Variants in PSMC4 observed in about 807,000 individuals in gnomAD.
The protein encoded by PSMC4 is 26S proteasome regulatory subunit 6B.
Under a neutral mutation model 48.4 loss-of-function variants are expected in PSMC4, and 13 were observed. That is an observed-to-expected ratio of 0.27 (90% CI 0.18 to 0.43). PSMC4 has a LOEUF of 0.43. PSMC4 is among the 20% of genes least tolerant of loss of function. The pLI is 1.00. For synonymous variants in PSMC4, 202 were observed against 212.3 expected (o/e 0.95, Z 0.42); for missense variants, 262 against 555.9 (o/e 0.47, Z 5.32).
chr19:39,974,173 C>G lies in PSMC4; in HGVS notation c.323-121C>G. 2 of 1,288,294 alleles carry G rather than the reference C, an allele frequency of 1.6e-6. No homozygotes were observed. The highest frequency in any genetic ancestry group is 1.4e-5 in the South Asian group (1 of 71,096). The allele number at this position is 1,288,294 out of a possible 1,614,324, so 79.8% of individuals were successfully genotyped here. ...GACAGCAGGAGGGAAGGCTGGAGGC[C>G]GAGAGGGGACCCCTCAGGGTCTGAA... On this transcript the variant is annotated intron_variant, in intron 3 of 10. Transcript: ENST00000157812. The surrounding 1 kb of genome is among the most constrained non-coding windows in gnomAD (Gnocchi z 5.5).
At chr19:39,975,928 C>A (rs1156685191) in intron 6 of PSMC4, among the ~76,000 whole-genome samples, 3 of 152,096 alleles carry the variant, frequency 2.0e-5, no homozygotes, top group Non-Finnish European at 2.9e-5. Flanking sequence ...ATTGAACACC[C>A]ACTATGTGCC....
intron 6 of PSMC4, among the ~76,000 whole-genome samples, chr19:39,975,203 C>G (rs1457844068): frequency 1.3e-5 from 2 of 152,200 alleles, no homozygotes; most frequent in Non-Finnish European, 2.9e-5. Context: ...GCAAGTTCAT[C>G]TGTTTCGTGA....
At chr19:39,972,290 C>T in intron 2 of PSMC4, 46 bp downstream of exon 2, 1 of 1,610,304 alleles carries the variant, frequency 6.2e-7, no homozygotes, top group Non-Finnish European at 8.5e-7. Flanking sequence ...CCTGACATCT[C>T]ATACTCTTCC....
Position 39,974,385 on chromosome 19 carries a change from A to C in PSMC4, c.414A>C (p.Ala138=), listed in dbSNP as rs1971159199. 6.2e-7 allele frequency: 1 copy of C among 1,614,082 alleles called. No individual in the cohort carries two copies. The highest frequency in any genetic ancestry group is 8.5e-7 in the Non-Finnish European group (1 of 1,180,018). Reference sequence around the variant, plus strand: ...TGGCCCTCCACAAGCACAGCAATGCACTGGTGGACGTGCTGCCCCCCGAAG... The same window carrying C: ...TGGCCCTCCACAAGCACAGCAATGCCCTGGTGGACGTGCTGCCCCCCGAAG... The part of the protein sequence containing the change: ...ASVALHKHSN[A]LVDVLPPEAD... Residue 138 remains alanine (A), a synonymous_variant, in exon 4 of 11, where the codon GCA becomes GCC. Coordinates refer to ENST00000157812, the MANE Select transcript of PSMC4 (RefSeq NM_006503.4). This position sits in a 1 kb window ranked among gnomAD's most constrained non-coding sequence, Gnocchi z 5.5.
intron 6 of PSMC4, among the ~76,000 whole-genome samples, chr19:39,976,867 TGAGACAGAG>T (rs1971210593): frequency 7.3e-6 from 1 of 137,006 alleles, no homozygotes. Context: ...TTTTTTTTTT[TGAGACAGAG>T]TCTCACTCTG....
In PSMC4 at chr19:39,979,886, G is replaced by A. The variant is rs752494519; in HGVS notation, c.743G>A (p.Arg248Gln). The A allele has an allele frequency of 2.5e-6, 4 of 1,614,120 alleles. No individual in the cohort carries two copies. Among genetic ancestry groups the A allele is most frequent in the Non-Finnish European group, 3.4e-6 (4 of 1,180,014 alleles). ...CTGGGTGAGGGCCCCCGCATGGTCCGGGATGTGTTCCGCCTGGCCAAGGAG... is the reference window on the plus strand; with the variant it reads ...CTGGGTGAGGGCCCCCGCATGGTCCAGGATGTGTTCCGCCTGGCCAAGGAG... ...KYLGEGPRMV[R>Q]DVFRLAKENA... The change falls in exon 7 of 11, where the codon CGG becomes CAG. Residue 248 changes from arginine to glutamine, a missense_variant. Physicochemically the swap from Arg to Gln is conservative, Grantham distance 43. Coordinates refer to ENST00000157812, the MANE Select transcript of PSMC4 (RefSeq NM_006503.4).
chr19:39,977,650 T>A (rs1971225798), intron 6 of PSMC4, among the ~76,000 whole-genome samples: 1 of 151,858 alleles, frequency 6.6e-6, no homozygotes, highest in South Asian at 2.1e-4. Context: ...TGAAACCCCA[T>A]CTCTACTAAA....
intron 6 of PSMC4, among the ~76,000 whole-genome samples, 188 bp downstream of exon 6, chr19:39,975,016 G>A (rs371500): frequency 0.19 from 28,944 of 152,090 alleles, 6,212 homozygotes; most frequent in African/African-American, 0.53. Context: ...CATTTCACCC[G>A]GTGATAGTGA....
chr19:39,974,552 C>T lies in PSMC4; in HGVS notation c.498C>T (p.Asp166=), dbSNP rs1323402945. The change falls in exon 5 of 11, where the codon GAC becomes GAT. Residue 166 remains aspartate, a synonymous_variant. Coordinates refer to ENST00000157812, the MANE Select transcript of PSMC4 (RefSeq NM_006503.4). This position sits in a 1 kb window ranked among gnomAD's most constrained non-coding sequence, Gnocchi z 5.5. ...AGAAGCCAGATGTGATGTACGCGGA[C>T]ATCGGAGGCATGGACATCCAGAAGC... ...SDQKPDVMYA[D]IGGMDIQKQE... 4 of 1,614,108 alleles carry T rather than the reference C, an allele frequency of 2.5e-6. No homozygotes were observed. The highest frequency in any genetic ancestry group is 3.4e-6 in the Non-Finnish European group (4 of 1,180,026).
At chr19:39,978,197 A>C (rs1971235805) in intron 6 of PSMC4, among the ~76,000 whole-genome samples, 1 of 152,098 alleles carries the variant, frequency 6.6e-6, no homozygotes, top group South Asian at 2.1e-4. Flanking sequence ...CTGAAGCAGG[A>C]GCCCATTCCA....
chr19:39,978,191 A>T (rs1971235655), intron 6 of PSMC4, among the ~76,000 whole-genome samples: 1 of 152,144 alleles, frequency 6.6e-6, no homozygotes, highest in Non-Finnish European at 1.5e-5. Flanking sequence ...GAGTAACTGA[A>T]GCAGGAGCCC....
intron 6 of PSMC4, among the ~76,000 whole-genome samples, chr19:39,976,845 GAT>G (rs1568375961): frequency 8.1e-6 from 1 of 123,570 alleles, no homozygotes; most frequent in African/African-American, 3.3e-5. Context: ...TTTTGTGTGT[GAT>G]TTTTTTTTTT....
In PSMC4 at chr19:39,981,356, C is replaced by A. The variant is rs1356950778; in HGVS notation, c.*51C>A. On this transcript the variant is annotated 3_prime_UTR_variant, in exon 11 of 11. Coordinates refer to ENST00000157812, the MANE Select transcript of PSMC4 (RefSeq NM_006503.4). ...CTCAGGGGCTGGGGCTTCTCTCGCA[C>A]CCCCAGCACCTCTGTCCCAAAACCT... 1 of 1,315,144 alleles carries A rather than the reference C, an allele frequency of 7.6e-7. No homozygotes were observed. The highest frequency in any genetic ancestry group is 1.1e-6 in the Non-Finnish European group (1 of 908,774). 81.5% of individuals were successfully genotyped at this position (1,315,144 alleles called of 1,614,324 possible).
intron 6 of PSMC4, among the ~76,000 whole-genome samples, chr19:39,976,077 A>G (rs1320120950): frequency 6.6e-6 from 1 of 151,884 alleles, no homozygotes; most frequent in Non-Finnish European, 1.5e-5. Flanking sequence ...TCTATTAAAA[A>G]TACAAAAAAA....
chr19:39,976,694 A>G (rs1971205372), intron 6 of PSMC4, among the ~76,000 whole-genome samples: 1 of 151,394 alleles, frequency 6.6e-6, no homozygotes, highest in South Asian at 2.1e-4. Flanking sequence ...ATTTTTTAGT[A>G]GAGACGGGGT....
chr19:39,980,844 C>A lies in PSMC4; in HGVS notation c.1143+127C>A. The A allele has an allele frequency of 2.2e-6, 2 of 914,938 alleles. No homozygotes were observed. Among genetic ancestry groups the A allele is most frequent in the Non-Finnish European group, 3.6e-6 (2 of 557,162 alleles). 56.7% of individuals were successfully genotyped at this position (914,938 alleles called of 1,614,324 possible). ...TCGTGGGCGCCATCTCTCTCTTCCT[C>A]TACCATCACTAGGGGTGGATAGTAC... On this transcript the variant is annotated intron_variant, in intron 10 of 10. Transcript: ENST00000157812. This position sits in a 1 kb window ranked among gnomAD's most constrained non-coding sequence, Gnocchi z 4.8.
At chr19:39,971,942 T>C (rs908442408) in intron 1 of PSMC4, among the ~76,000 whole-genome samples, 2 of 152,050 alleles carry the variant, frequency 1.3e-5, no homozygotes, top group African/African-American at 2.4e-5. Context: ...TAAGATCTGT[T>C]TGAGGGGCAA....
At chr19:39,976,267 ATATT>A (rs1400856557) in intron 6 of PSMC4, among the ~76,000 whole-genome samples, 1 of 129,574 alleles carries the variant, frequency 7.7e-6, no homozygotes, top group African/African-American at 3.3e-5. Context: ...ATATATATAT[ATATT>A]AATTAGCTGG....
chr19:39,979,818 T>C lies in PSMC4; in HGVS notation c.675T>C (p.Ala225=). The change falls in exon 7 of 11, where the codon GCT becomes GCC. Residue 225 remains alanine (A), a splice_region_variant and synonymous_variant. Transcript: ENST00000157812. The part of the protein sequence containing the change: ...LAKAVAHHTT[A]AFIRVVGSEF... ...TAACTGTTGTCATCCTGTCATCAGC[T>C]GCATTCATCCGGGTCGTGGGCTCGG... 6.2e-7 allele frequency: 1 copy of C among 1,612,772 alleles called. No homozygotes were observed. Among genetic ancestry groups the C allele is most frequent in the Non-Finnish European group, 8.5e-7 (1 of 1,179,148 alleles).
Sources: gnomAD v4.1 joint callset for allele counts (sites outside exome capture counted in the v4.1 genomes callset) on GRCh38, gnomAD v4.1.1 for gene constraint, Gnocchi (gnomAD v3.1) non-coding constraint, MANE v1.5 for transcripts, NCBI Gene and HGNC (gene_info 2026-07-23, HGNC 2026-07-21) for gene names.